The following IGSF10 variants were observed in gnomAD, a reference collection of about 807,000 sequenced individuals.
The protein encoded by IGSF10 is calvaria mechanical force protein 608.
In IGSF10, 126 loss-of-function variants were observed where a neutral mutation model predicts 128.2. That is an observed-to-expected ratio of 0.98 (90% CI 0.85 to 1.14). The LOEUF is 1.14. Ranked by LOEUF, IGSF10 falls within the 50% of genes most tolerant of loss-of-function variation. The probability of loss-of-function intolerance (pLI) is 0.00; values close to 1 mark genes in which losing one functional copy is unlikely to be tolerated. For synonymous variants in IGSF10, 1,185 were observed against 1,146.2 expected, an observed-to-expected ratio of 1.03 and a Z score of -0.68; for missense variants, 3,295 against 3,149.8, an observed-to-expected ratio of 1.05 and a Z score of -1.10.
At chr3:151,487,161 C>A in the IGSF10 span, among the ~76,000 whole-genome samples, 1 of 152,096 alleles carries the variant, frequency 6.6e-6, no homozygotes, top group African/African-American at 2.4e-5. Context: ...CACCACTGAT[C>A]CCACAGAAAT....
chr3:151,453,393 C>T lies in IGSF10; in HGVS notation c.706G>A (p.Glu236Lys), dbSNP rs773485253. The T allele has an allele frequency of 5.0e-6, 8 of 1,595,536 alleles. No individual in the cohort carries two copies. The South Asian group carries it at 8.1e-5, about 16-fold the overall frequency. ...HLKWLSDWIQ[E>K]KPDVIKCKKD... ...TAAACAATATAGATACCTGGCTTCT[C>T]CTGTATCCAGTCAGACAACCACTTT... The change falls in exon 5 of 8, where the codon GAG (glutamate) becomes AAG (lysine). Residue 236 changes from glutamate (E) to lysine (K), a missense_variant. Coordinates refer to ENST00000282466, the MANE Select transcript of IGSF10 (RefSeq NM_178822.5).
At chr3:151,525,797 C>A in the IGSF10 span, among the ~76,000 whole-genome samples, 2 of 152,108 alleles carry the variant, frequency 1.3e-5, no homozygotes, top group Non-Finnish European at 2.9e-5. Context: ...TTGGTCAGGC[C>A]CACCAGGGAT....
At chr3:151,547,237 T>C in the IGSF10 span, among the ~76,000 whole-genome samples, 2 of 152,112 alleles carry the variant, frequency 1.3e-5, no homozygotes, top group Non-Finnish European at 1.5e-5. Flanking sequence ...ACTCCATCCT[T>C]TTTAATAGTT....
rs1242172623 is a variant in IGSF10, at chr3:151,447,573, T to C, written c.2408A>G (p.His803Arg). Residue 803 changes from histidine (H) to arginine (R), a missense_variant, in exon 6 of 8, where the codon CAT becomes CGT. Coordinates refer to ENST00000282466, the MANE Select transcript of IGSF10 (RefSeq NM_178822.5). ...AGTGGCCGGGACCATAAATTCCTCA[T>C]GTAGAGCGAGCATGCCTGAGGAATC... is the stretch of plus-strand genomic sequence containing the variant. ...EDDSSGMLAL[H>R]EEFMVPATKA... 1.2e-6 allele frequency: 2 copies of C among 1,614,168 alleles called. No individual in the cohort carries two copies. The highest frequency in any genetic ancestry group is 2.2e-5 in the East Asian group (1 of 44,880).
At chr3:151,581,079 A>T in the IGSF10 span, among the ~76,000 whole-genome samples, 3 of 152,234 alleles carry the variant, frequency 2.0e-5, no homozygotes, top group Admixed American at 2.0e-4. Flanking sequence ...ATGATTTGTA[A>T]AAAAGCAAGC....
chr3:151,596,784 A>C, the IGSF10 span, among the ~76,000 whole-genome samples: 2 of 152,186 alleles, frequency 1.3e-5, no homozygotes, highest in Non-Finnish European at 2.9e-5. Context: ...GTGAGCATGT[A>C]AACTAAATGG....
Position 151,437,903 on chromosome 3 carries a change from C to T in IGSF10, c.6658G>A (p.Gly2220Arg). Residue 2220 changes from glycine to arginine, a missense_variant, in exon 8 of 8, where the codon GGG becomes AGG. Coordinates refer to ENST00000282466, the MANE Select transcript of IGSF10 (RefSeq NM_178822.5). ...AGTTTGTACATTTTGGTGTCATCCC[C>T]ACTGGGATTTCGGGCTACACATACG... ...EYVCVARNPSGDDTKMYKLDV... is the reference protein window; with the variant it reads ...EYVCVARNPSRDDTKMYKLDV... 1 of 1,614,096 alleles carries T rather than the reference C, an allele frequency of 6.2e-7. No individual in the cohort carries two copies. Among genetic ancestry groups the T allele is most frequent in the Non-Finnish European group, 8.5e-7 (1 of 1,179,952 alleles).
the IGSF10 span, among the ~76,000 whole-genome samples, chr3:151,568,590 C>T: frequency 1.3e-5 from 2 of 152,174 alleles, no homozygotes; most frequent in African/African-American, 4.8e-5. Flanking sequence ...AGCTGACATT[C>T]AAGCACATAG....
At chr3:151,602,003 C>T in the IGSF10 span, among the ~76,000 whole-genome samples, 108 of 152,096 alleles carry the variant, frequency 7.1e-4, no homozygotes, top group African/African-American at 2.2e-3. Context: ...GCATTGCTAT[C>T]AATCAAGTTA....
At chr3:151,453,334 A>G in intron 5 of IGSF10, 50 bp downstream of exon 5, 1 of 1,448,472 alleles carries the variant, frequency 6.9e-7, no homozygotes, top group Non-Finnish European at 9.3e-7. Flanking sequence ...AATACCTCCA[A>G]GCAGATTTCC....
At chr3:151,476,824 G>T in the IGSF10 span, among the ~76,000 whole-genome samples, 1 of 152,218 alleles carries the variant, frequency 6.6e-6, no homozygotes, top group African/African-American at 2.4e-5. Flanking sequence ...CTAAGAGCAA[G>T]TGGAGAGTCA....
At chr3:151,598,214 G>A in the IGSF10 span, among the ~76,000 whole-genome samples, 1 of 151,958 alleles carries the variant, frequency 6.6e-6, no homozygotes, top group African/African-American at 2.4e-5. Flanking sequence ...CCAGTGTTGG[G>A]ATACTTAAGC....
At chr3:151,528,926 A>AAGCT in the IGSF10 span, among the ~76,000 whole-genome samples, 67,266 of 151,226 alleles carry the variant, frequency 0.44, 15,309 homozygotes, top group South Asian at 0.55. Context: ...TCCCACCCCC[A>AAGCT]TGGAGCCCAG....
chr3:151,538,974 G>A, the IGSF10 span, among the ~76,000 whole-genome samples: 4 of 152,300 alleles, frequency 2.6e-5, no homozygotes, highest in East Asian at 7.7e-4. Flanking sequence ...GTGGGCATTT[G>A]AAGAGGCACG....
the IGSF10 span, among the ~76,000 whole-genome samples, chr3:151,606,305 T>C: frequency 2.6e-5 from 4 of 152,220 alleles, no homozygotes; most frequent in Non-Finnish European, 4.4e-5. Flanking sequence ...TTAATGAAGC[T>C]ATTAATCTCA....
chr3:151,443,961 GCTA>G, intron 6 of IGSF10, 77 bp from the exon 7 acceptor site: 1 of 1,175,936 alleles, frequency 8.5e-7, no homozygotes, highest in Non-Finnish European at 1.2e-6. Context: ...CGTTTTTTGG[GCTA>G]CTAAGAATAC....
At chr3:151,434,134 C>T (rs543096012), downstream of IGSF10, 2 of 152,310 alleles carry the variant, frequency 1.3e-5, no homozygotes, top group East Asian at 3.9e-4. Context: ...TCTGTTATTT[C>T]ATTTTCTTTT....
chr3:151,604,135 TTAAAG>T, the IGSF10 span, among the ~76,000 whole-genome samples: 159 of 152,270 alleles, frequency 1.0e-3, no homozygotes, highest in Non-Finnish European at 1.2e-3. Context: ...ATAGAATACT[TTAAAG>T]TATAGTAAGT....
rs143302876 is a variant in IGSF10, at chr3:151,437,481, A to G, written c.7080T>C (p.Ser2360=). 7.7e-5 allele frequency: 124 copies of G among 1,614,086 alleles called. No individual in the cohort carries two copies. In the African/African-American group the frequency reaches 1.2e-3, roughly 16 times the overall value. The change falls in exon 8 of 8, where the codon TCT becomes TCC. Residue 2360 remains serine (S), a synonymous_variant. Coordinates refer to ENST00000282466, the MANE Select transcript of IGSF10 (RefSeq NM_178822.5). ...QLGKSTALNC[S]VDGNPPPEII... ...TTTCAGGTGGTGGGTTACCATCAAC[A>G]GAGCAATTCAATGCTGTGGACTTTC... is the stretch of plus-strand genomic sequence containing the variant.
Sources: allele counts gnomAD v4.1 joint callset (sites outside exome capture counted in the v4.1 genomes callset), GRCh38; gene constraint gnomAD v4.1.1; transcripts MANE v1.5; gene names NCBI Gene and HGNC (gene_info 2026-07-23, HGNC 2026-07-21).